RALGPS1: variants seen among roughly 807,000 people sequenced by gnomAD.
RALGPS1 encodes the protein ras-specific guanine nucleotide-releasing factor RalGPS1.
A neutral mutation model predicts 78.8 loss-of-function variants in RALGPS1; 19 were observed. The ratio of observed to expected loss-of-function variants is 0.24; its 90% CI spans 0.17 to 0.35. The LOEUF is 0.35. Ranked by LOEUF, RALGPS1 falls within the 10% of genes least tolerant of loss-of-function variation. The pLI, the probability that RALGPS1 is intolerant of heterozygous loss-of-function variation, is 1.00. For synonymous variants in RALGPS1, 228 were observed against 256.3 expected (o/e 0.89, Z 1.06); for missense variants, 454 against 688.3 (o/e 0.66, Z 3.81).
At chr9:126,935,637 G>A (rs1588511100) in intron 1 of RALGPS1, among the ~76,000 whole-genome samples, 1 of 63,168 alleles carries the variant, frequency 1.6e-5, no homozygotes, top group Non-Finnish European at 5.4e-5. Flanking sequence ...AACTCATATA[G>A]TACTTAGAAG....
rs561296987 is a variant in RALGPS1 at position 127,218,971 on chromosome 9, T to C, written c.*202T>C. On this transcript the variant is annotated 3_prime_UTR_variant, in exon 19 of 19. Transcript: ENST00000259351. This position sits in a 1 kb window ranked among gnomAD's most constrained non-coding sequence, Gnocchi z 4.4. Reference sequence around the variant, plus strand: ...ACCTGTCAGTCCCCAGCGACTCTCATGACACTCATTCTGCAGCACCGCCTC... The same window carrying C: ...ACCTGTCAGTCCCCAGCGACTCTCACGACACTCATTCTGCAGCACCGCCTC... 1 of 626,814 alleles carries C rather than the reference T, an allele frequency of 1.6e-6. No individual in the cohort carries two copies. Among genetic ancestry groups the C allele is most frequent in the African/African-American group, 1.8e-5 (1 of 54,670 alleles). 38.8% of individuals were successfully genotyped at this position (626,814 alleles called of 1,614,324 possible).
At chr9:126,993,787 C>T (rs186576303) in intron 4 of RALGPS1, among the ~76,000 whole-genome samples, 50 of 152,206 alleles carry the variant, frequency 3.3e-4, no homozygotes, top group Non-Finnish European at 4.9e-4. Flanking sequence ...CCAGTAGGGG[C>T]GGACTGACAC....
intron 4 of RALGPS1, among the ~76,000 whole-genome samples, chr9:127,001,052 G>A (rs569693124): frequency 5.3e-5 from 8 of 150,624 alleles, no homozygotes; most frequent in African/African-American, 1.7e-4. Flanking sequence ...AGGTGGGTGG[G>A]TTGCTTGAGC....
Position 127,222,960 on chromosome 9 carries a change from A to G in RALGPS1, c.*4191A>G, listed in dbSNP as rs1455578058. Reference sequence around the variant, plus strand: ...TAAGGACTTTCTCTAATTCTTGTGAATCGTCTCACCCGCAGTAACCACTGA... The same window carrying G: ...TAAGGACTTTCTCTAATTCTTGTGAGTCGTCTCACCCGCAGTAACCACTGA... On this transcript the variant is annotated 3_prime_UTR_variant, in exon 19 of 19. Coordinates refer to ENST00000259351, the MANE Select transcript of RALGPS1 (RefSeq NM_014636.3). 1 of 152,598 alleles carries G rather than the reference A, an allele frequency of 6.6e-6. No homozygotes were observed. The highest frequency in any genetic ancestry group is 1.9e-4 in the East Asian group (1 of 5,194). The allele number at this position is 152,598 out of a possible 1,614,324, so 9.5% of individuals were successfully genotyped here. A position where few individuals can be genotyped will look rare whatever the true frequency, so the allele number is the denominator to read the frequency against.
intron 3 of RALGPS1, among the ~76,000 whole-genome samples, chr9:126,970,270 C>T (rs1010342269): frequency 3.9e-5 from 6 of 152,256 alleles, no homozygotes; most frequent in Non-Finnish European, 8.8e-5. Context: ...ATACCACCAA[C>T]ATCCACAAGA....
chr9:127,040,752 G>A (rs1182327864), intron 5 of RALGPS1, among the ~76,000 whole-genome samples: 1 of 152,116 alleles, frequency 6.6e-6, no homozygotes, highest in Non-Finnish European at 1.5e-5. Context: ...GTGTGGAGGG[G>A]AAGATAGCAA....
chr9:127,058,869 C>T (rs2048965084), intron 7 of RALGPS1, among the ~76,000 whole-genome samples: 1 of 152,202 alleles, frequency 6.6e-6, no homozygotes, highest in African/African-American at 2.4e-5. Context: ...CTCTTTCCTA[C>T]TGAATTGATC....
intron 8 of RALGPS1, among the ~76,000 whole-genome samples, chr9:127,156,035 AT>A (rs1441156259): frequency 6.6e-6 from 1 of 152,134 alleles, no homozygotes; most frequent in Non-Finnish European, 1.5e-5. Context: ...TGAGCAGTGT[AT>A]TCTCTGTGTG....
chr9:126,940,202 C>T lies in RALGPS1; in HGVS notation c.-65-22023C>T, dbSNP rs547395657. ...GGGTTATGAATCTGTGCTGCCCAGC[C>T]CGCCTCTCACTCCACTTCTGTTGAG... On this transcript the variant is annotated intron_variant, in intron 1 of 18. Coordinates refer to ENST00000259351, the MANE Select transcript of RALGPS1 (RefSeq NM_014636.3). 5.3e-5 allele frequency among the ~76,000 whole-genome samples: 8 copies of T among 152,184 alleles called. No individual in the cohort carries two copies. The East Asian group carries it at 1.5e-3, about 29-fold the overall frequency.
At chr9:126,987,860 A>G (rs1186571504) in intron 4 of RALGPS1, among the ~76,000 whole-genome samples, 1 of 152,144 alleles carries the variant, frequency 6.6e-6, no homozygotes, top group African/African-American at 2.4e-5. Flanking sequence ...ATAAATAGTA[A>G]ACAAGAAGTG....
intron 8 of RALGPS1, among the ~76,000 whole-genome samples, chr9:127,151,931 G>A (rs1344695615): frequency 6.6e-6 from 1 of 151,956 alleles, no homozygotes; most frequent in African/African-American, 2.4e-5. Flanking sequence ...CTTTTCATTG[G>A]CACTGAGGGA....
chr9:127,135,083 C>T (rs1014461421), intron 8 of RALGPS1, among the ~76,000 whole-genome samples: 1 of 152,198 alleles, frequency 6.6e-6, no homozygotes, highest in Admixed American at 6.5e-5. Context: ...GAGCTATAGA[C>T]CTTCGGCCCA....
At position 126,952,656 on chromosome 9, in the gene RALGPS1, A is replaced by AGAGTGTGT. The variant is rs1554763340; in HGVS notation, c.-65-9568_-65-9567insAGTGTGTG. On this transcript the variant is annotated intron_variant, in intron 1 of 18. Transcript: ENST00000259351. ...GAGAGAGAGAGAGAGAGAGAGAGAG[A>AGAGTGTGT]GTGTGTGTGTGTGTGTGTGTGTGTC... Among the ~76,000 whole-genome samples the AGAGTGTGT allele has an allele frequency of 2.2e-5, 3 of 138,922 alleles. No individual in the cohort carries two copies. The East Asian group carries it at 6.4e-4, about 29-fold the overall frequency. 91.1% of individuals were successfully genotyped at this position (138,922 alleles called of 152,430 possible). A position where few individuals can be genotyped will look rare whatever the true frequency, so the allele number is the denominator to read the frequency against.
At chr9:126,988,191 T>TG (rs1286061784) in intron 4 of RALGPS1, among the ~76,000 whole-genome samples, 13 of 152,038 alleles carry the variant, frequency 8.6e-5, no homozygotes, top group African/African-American at 2.9e-4. Flanking sequence ...GCCTCAAGCC[T>TG]GGCGGGGGTG....
At chr9:127,130,063 A>G (rs1006200031) in intron 8 of RALGPS1, among the ~76,000 whole-genome samples, 17 of 152,122 alleles carry the variant, frequency 1.1e-4, no homozygotes, top group African/African-American at 4.1e-4. Flanking sequence ...GAGTGAGGAC[A>G]CGTGTGTCAC....
At chr9:127,216,912 G>A (rs766378561) in intron 18 of RALGPS1, 24 of 1,544,072 alleles carry the variant, frequency 1.6e-5, no homozygotes, top group Admixed American at 1.0e-4. Context: ...ACAGGAAGCC[G>A]GAGCAGCTCC....
At chr9:126,916,946 C>T (rs1343920179) in intron 1 of RALGPS1, among the ~76,000 whole-genome samples, 2 of 152,192 alleles carry the variant, frequency 1.3e-5, no homozygotes, top group Non-Finnish European at 2.9e-5. Context: ...AAGCCCAGTG[C>T]CTCTGCTCAC....
intron 2 of RALGPS1, among the ~76,000 whole-genome samples, chr9:126,965,400 A>G (rs932857035): frequency 6.6e-6 from 1 of 152,074 alleles, no homozygotes; most frequent in Non-Finnish European, 1.5e-5. Flanking sequence ...CAGGCCTCCT[A>G]AGACATGCAG....
chr9:127,140,376 G>A (rs1233961972), intron 8 of RALGPS1, among the ~76,000 whole-genome samples: 1 of 152,198 alleles, frequency 6.6e-6, no homozygotes, highest in Non-Finnish European at 1.5e-5. Flanking sequence ...AGAAAGTCCT[G>A]AACGGGATGT....
Sources: allele counts gnomAD v4.1 joint callset (sites outside exome capture counted in the v4.1 genomes callset), GRCh38; gene constraint gnomAD v4.1.1; non-coding constraint Gnocchi (gnomAD v3.1); transcripts MANE v1.5; gene names NCBI Gene and HGNC (gene_info 2026-07-23, HGNC 2026-07-21).